CREBBP: variants seen among roughly 807,000 people sequenced by gnomAD.
The protein encoded by CREBBP is CREB-binding protein.
Under a neutral mutation model 265.0 loss-of-function variants are expected in CREBBP, and 19 were observed. The observed-to-expected ratio is 0.07, with a 90% CI of 0.05 to 0.11. The LOEUF is 0.11. Ranked by LOEUF, CREBBP falls within the 10% of genes least tolerant of loss-of-function variation. CREBBP has a pLI of 1.00. For synonymous variants in CREBBP, 1,457 were observed against 1,223.7 expected (o/e 1.19, Z -3.98); for missense variants, 2,525 against 3,219.0 (o/e 0.78, Z 5.22).
chr16:3,793,109 A>G (rs1042761603), intron 4 of CREBBP, among the ~76,000 whole-genome samples: 3 of 152,262 alleles, frequency 2.0e-5, no homozygotes, highest in Admixed American at 1.3e-4. Context: ...TCCGTGACAG[A>G]GGAAGGAGGA....
chr16:3,843,003 T>C (rs1329327354), intron 2 of CREBBP, among the ~76,000 whole-genome samples: 2 of 136,794 alleles, frequency 1.5e-5, no homozygotes, highest in African/African-American at 5.6e-5. Flanking sequence ...AAATTAGGAA[T>C]GAGAAGAGAA....
At chr16:3,759,759 T>G (rs2052669938) in intron 16 of CREBBP, among the ~76,000 whole-genome samples, 1 of 152,180 alleles carries the variant, frequency 6.6e-6, no homozygotes, top group Non-Finnish European at 1.5e-5. Flanking sequence ...AGTTCCATAT[T>G]GCTTACTCCC....
At chr16:3,872,352 A>G (rs911996355) in intron 1 of CREBBP, among the ~76,000 whole-genome samples, 5 of 152,142 alleles carry the variant, frequency 3.3e-5, no homozygotes, top group African/African-American at 1.2e-4. Context: ...CTCAAATGGC[A>G]AAGACCTGAC....
chr16:3,786,625 C>G (rs2053393975), intron 5 of CREBBP, among the ~76,000 whole-genome samples: 1 of 152,134 alleles, frequency 6.6e-6, no homozygotes, highest in Non-Finnish European at 1.5e-5. Flanking sequence ...CGGGGTCACC[C>G]AACGCAGGCC....
intron 2 of CREBBP, among the ~76,000 whole-genome samples, chr16:3,846,837 T>A (rs1164713413): frequency 2.6e-5 from 4 of 152,220 alleles, no homozygotes; most frequent in Non-Finnish European, 4.4e-5. Context: ...GAAATAATAG[T>A]TGCCTTTGGT....
At chr16:3,737,083 T>A in intron 26 of CREBBP, 1 of 545,904 alleles carries the variant, frequency 1.8e-6, no homozygotes. Context: ...TGAGGCCTCA[T>A]TAAAGAACCA....
At chr16:3,761,642 C>T (rs2052720795) in intron 16 of CREBBP, 1 of 509,668 alleles carries the variant, frequency 2.0e-6, no homozygotes, top group Non-Finnish European at 3.9e-6. Flanking sequence ...TGACAGCAGC[C>T]TGAGGTCCGG....
At chr16:3,822,709 ATTG>A (rs1483324770) in intron 2 of CREBBP, among the ~76,000 whole-genome samples, 4 of 152,254 alleles carry the variant, frequency 2.6e-5, no homozygotes, top group African/African-American at 7.2e-5. Context: ...TCAAAGATAT[ATTG>A]TTATCAAAAA....
intron 30 of CREBBP, among the ~76,000 whole-genome samples, chr16:3,730,897 C>T (rs918475772): frequency 6.6e-6 from 1 of 152,226 alleles, no homozygotes; most frequent in Non-Finnish European, 1.5e-5. Flanking sequence ...AACAGGACAG[C>T]GGGTGTTTCC....
chr16:3,820,414 G>A (rs1218988253), intron 2 of CREBBP, among the ~76,000 whole-genome samples: 4 of 152,228 alleles, frequency 2.6e-5, no homozygotes, highest in East Asian at 3.8e-4. Flanking sequence ...ACCTGGGCAG[G>A]TGAACAGCCC....
intron 1 of CREBBP, among the ~76,000 whole-genome samples, chr16:3,851,844 G>C (rs1446836052): frequency 2.8e-5 from 3 of 106,986 alleles, no homozygotes; most frequent in Middle Eastern, 6.8e-3. Flanking sequence ...CTGGGCGACA[G>C]AGCGAGACTC....
Position 3,763,006 on chromosome 16 carries a change from C to A in CREBBP, c.3251-4034G>T, listed in dbSNP as rs995641701. Among the ~76,000 whole-genome samples, 58 of 151,924 alleles carry A rather than the reference C, an allele frequency of 3.8e-4. 1 individual carries two copies. The highest frequency in any genetic ancestry group is 1.3e-3 in the African/African-American group (54 of 41,434). On this transcript the variant is annotated intron_variant, in intron 16 of 30. Coordinates refer to ENST00000262367, the MANE Select transcript of CREBBP (RefSeq NM_004380.3). ...AGCCAGGATGGTCTCGATCTCCCGACCTCGTGATCCGCCCGCCTCGGCCTC... is the reference window on the plus strand; with the variant it reads ...AGCCAGGATGGTCTCGATCTCCCGAACTCGTGATCCGCCCGCCTCGGCCTC...
At chr16:3,792,955 C>T (rs1295896097) in intron 4 of CREBBP, among the ~76,000 whole-genome samples, 1 of 152,224 alleles carries the variant, frequency 6.6e-6, no homozygotes, top group Non-Finnish European at 1.5e-5. Flanking sequence ...GACAGAGGAG[C>T]AAGGCCGCAG....
At chr16:3,855,216 G>A (rs1166995914) in intron 1 of CREBBP, among the ~76,000 whole-genome samples, 1 of 152,094 alleles carries the variant, frequency 6.6e-6, no homozygotes, top group East Asian at 1.9e-4. Context: ...TTGTTTAATC[G>A]AAAAAGGATC....
intron 15 of CREBBP, 149 bp from the exon 16 acceptor site, chr16:3,768,058 A>T (rs2052901023): frequency 1.4e-6 from 1 of 731,616 alleles, no homozygotes; most frequent in Admixed American, 2.1e-5. Context: ...CTCTTCCGGA[A>T]GAAGAAATAA....
intron 5 of CREBBP, among the ~76,000 whole-genome samples, chr16:3,783,341 C>A (rs573212011): frequency 1.3e-5 from 2 of 152,192 alleles, no homozygotes; most frequent in Admixed American, 6.5e-5. Context: ...CTCCTGTTGA[C>A]CCCAACCCTG....
chr16:3,726,244 G>A lies in CREBBP; in HGVS notation c.*1474C>T, dbSNP rs535953791. ...CAGATTCTGGGAGTCGTGTACGGGG[G>A]GGGGGAGCCGCCTGAACACGGGAAG... On this transcript the variant is annotated 3_prime_UTR_variant, in exon 31 of 31. Transcript: ENST00000262367. 29 of 226,982 alleles carry A rather than the reference G, an allele frequency of 1.3e-4. No individual in the cohort carries two copies. In the South Asian group the frequency reaches 1.8e-3, roughly 14 times the overall value. 14.1% of individuals were successfully genotyped at this position (226,982 alleles called of 1,614,324 possible). A position where few individuals can be genotyped will look rare whatever the true frequency, so the allele number is the denominator to read the frequency against.
chr16:3,824,544 A>G (rs1038119310), intron 2 of CREBBP, among the ~76,000 whole-genome samples: 2 of 152,246 alleles, frequency 1.3e-5, no homozygotes, highest in East Asian at 3.8e-4. Flanking sequence ...AGCATCACTC[A>G]TAACATCGAC....
At chr16:3,877,656 C>T (rs2055431446) in intron 1 of CREBBP, among the ~76,000 whole-genome samples, 1 of 152,238 alleles carries the variant, frequency 6.6e-6, no homozygotes, top group African/African-American at 2.4e-5. Flanking sequence ...CCACCAGCCT[C>T]CGCCTCCCAA....
Sources: allele counts gnomAD v4.1 joint callset (sites outside exome capture counted in the v4.1 genomes callset), GRCh38; gene constraint gnomAD v4.1.1; transcripts MANE v1.5; gene names NCBI Gene and HGNC (gene_info 2026-07-23, HGNC 2026-07-21).